The following CPNE5 variants were observed in gnomAD, a reference collection of about 807,000 sequenced individuals.
The protein encoded by CPNE5 is copine 5.
A neutral mutation model predicts 81.1 loss-of-function variants in CPNE5; 42 were observed. The ratio of observed to expected loss-of-function variants is 0.52; its 90% CI spans 0.40 to 0.67. CPNE5 has a LOEUF of 0.67. Ranked by LOEUF, CPNE5 falls within the 30% of genes least tolerant of loss-of-function variation. CPNE5 has a pLI of 0.00. For synonymous variants in CPNE5, 313 were observed against 321.5 expected (o/e 0.97, Z 0.28); for missense variants, 612 against 815.5 (o/e 0.75, Z 3.04).
At chr6:36,786,012 CAAA>C (rs36060316) in intron 8 of CPNE5, among the ~76,000 whole-genome samples, 6 of 83,836 alleles carry the variant, frequency 7.2e-5, no homozygotes, top group Non-Finnish European at 4.7e-5. Context: ...GACTCCGTCT[CAAA>C]AAAAAAAAAA....
chr6:36,813,278 C>A (rs1375264322), intron 3 of CPNE5, among the ~76,000 whole-genome samples: 1 of 152,214 alleles, frequency 6.6e-6, no homozygotes, highest in African/African-American at 2.4e-5. Context: ...CGCCTGTAAT[C>A]CCAGCATTTT....
chr6:36,756,198 G>A lies in CPNE5; in HGVS notation c.909+47C>T, dbSNP rs759500920. On this transcript the variant is annotated intron_variant, in intron 13 of 20. Coordinates refer to ENST00000244751, the MANE Select transcript of CPNE5 (RefSeq NM_020939.2). ...TCCCTGATACCAGACCTAGCTTGGGGCTCAGAATGTCTACACCCGGCTGCA... is the reference window on the plus strand; with the variant it reads ...TCCCTGATACCAGACCTAGCTTGGGACTCAGAATGTCTACACCCGGCTGCA... The A allele has an allele frequency of 7.7e-6, 12 of 1,561,604 alleles. No individual in the cohort carries two copies. In the African/African-American group the frequency reaches 1.2e-4, roughly 16 times the overall value.
intron 1 of CPNE5, among the ~76,000 whole-genome samples, chr6:36,837,042 A>G (rs1008791865): frequency 6.6e-6 from 1 of 152,218 alleles, no homozygotes; most frequent in Non-Finnish European, 1.5e-5. Flanking sequence ...AAGGCCTCTT[A>G]TGCAAGAGGT....
chr6:36,818,716 C>G (rs1358519769), intron 3 of CPNE5, among the ~76,000 whole-genome samples: 1 of 152,230 alleles, frequency 6.6e-6, no homozygotes, highest in Non-Finnish European at 1.5e-5. Context: ...CAGGAGCAAG[C>G]ACAGGTGTAT....
At chr6:36,811,556 C>CCA (rs1771106102) in intron 3 of CPNE5, among the ~76,000 whole-genome samples, 1 of 152,154 alleles carries the variant, frequency 6.6e-6, no homozygotes, top group Admixed American at 6.5e-5. Context: ...AACAGCTCAG[C>CCA]CACAACTGTA....
At chr6:36,761,166 T>C (rs1765986696) in intron 12 of CPNE5, among the ~76,000 whole-genome samples, 1 of 151,820 alleles carries the variant, frequency 6.6e-6, no homozygotes, top group South Asian at 2.1e-4. Context: ...CTAAATCTCC[T>C]CAAAGGAGGC....
At chr6:36,779,056 T>C (rs1397598239) in intron 8 of CPNE5, 99 bp from the exon 9 acceptor site, 10 of 796,018 alleles carry the variant, frequency 1.3e-5, no homozygotes, top group Admixed American at 1.8e-5. Context: ...CCAGCCCTGG[T>C]TGGAATGCAC....
chr6:36,774,371 T>G, intron 10 of CPNE5, among the ~76,000 whole-genome samples: 1 of 152,124 alleles, frequency 6.6e-6, no homozygotes. Flanking sequence ...CCTGGGTGAC[T>G]GAGCGAGACC....
intron 7 of CPNE5, 139 bp from the exon 8 acceptor site, chr6:36,792,235 A>G (rs934516986): frequency 1.6e-6 from 2 of 1,246,840 alleles, no homozygotes; most frequent in Non-Finnish European, 2.3e-6. Flanking sequence ...CTGAGAAGAC[A>G]GAGTCTCCTG....
chr6:36,813,875 G>T (rs1771314468), intron 3 of CPNE5, among the ~76,000 whole-genome samples: 1 of 152,216 alleles, frequency 6.6e-6, no homozygotes, highest in Non-Finnish European at 1.5e-5. Context: ...CTCCCACTGT[G>T]ATGGAGTGCC....
intron 3 of CPNE5, among the ~76,000 whole-genome samples, chr6:36,818,639 G>A (rs1240266480): frequency 6.6e-6 from 1 of 152,208 alleles, no homozygotes; most frequent in African/African-American, 2.4e-5. Context: ...GACGCCAGAT[G>A]TGGAAACTGA....
chr6:36,791,958 G>T (rs757203669), intron 8 of CPNE5, 75 bp downstream of exon 8: 93 of 1,317,280 alleles, frequency 7.1e-5, no homozygotes, highest in Admixed American at 1.0e-4. Context: ...TCCCTCCAGG[G>T]GCTCAGGGAG....
intron 7 of CPNE5, 112 bp downstream of exon 7, chr6:36,794,478 G>A: frequency 9.8e-7 from 1 of 1,020,842 alleles, no homozygotes; most frequent in Admixed American, 2.0e-5. Flanking sequence ...CCCCGGATCA[G>A]GGCCAAATTC....
intron 12 of CPNE5, 54 bp downstream of exon 12, chr6:36,762,863 C>T (rs1766185479): frequency 3.5e-6 from 5 of 1,428,396 alleles, no homozygotes; most frequent in South Asian, 3.4e-5. Flanking sequence ...CTACAGTCCT[C>T]AGTGACTGGG....
rs185921654 is a variant in CPNE5, at chr6:36,766,917, G to A, written c.738-1541C>T. On this transcript the variant is annotated intron_variant, in intron 10 of 20. Transcript: ENST00000244751. This position sits in a 1 kb window ranked among gnomAD's most constrained non-coding sequence, Gnocchi z 4.2. The stretch of plus-strand genomic sequence containing the variant: ...GTTGCCCAGGCTGGAGTGCAATGGC[G>A]TGATCTCGGCTCATTGCAACCTCCG... Among the ~76,000 whole-genome samples, 15 of 152,252 alleles carry A rather than the reference G, an allele frequency of 9.9e-5. No homozygotes were observed. Among genetic ancestry groups the A allele is most frequent in the Admixed American group, 3.9e-4 (6 of 15,310 alleles).
intron 9 of CPNE5, among the ~76,000 whole-genome samples, chr6:36,777,253 C>T (rs1767590867): frequency 6.6e-6 from 1 of 152,144 alleles, no homozygotes; most frequent in African/African-American, 2.4e-5. Flanking sequence ...CCTCCCCTCC[C>T]CAGTTCCTTC....
chr6:36,758,482 C>A (rs2150401133), intron 12 of CPNE5, among the ~76,000 whole-genome samples: 1 of 151,520 alleles, frequency 6.6e-6, no homozygotes, highest in East Asian at 1.9e-4. Flanking sequence ...CTCTTGGGCT[C>A]AAGCAATCCT....
At chr6:36,837,642 C>T (rs773896472) in intron 1 of CPNE5, among the ~76,000 whole-genome samples, 2 of 152,150 alleles carry the variant, frequency 1.3e-5, no homozygotes, top group Non-Finnish European at 2.9e-5. Flanking sequence ...AGCTGTGTGT[C>T]TCATGGGTGA....
At chr6:36,794,721 G>T in intron 6 of CPNE5, 72 bp from the exon 7 acceptor site, 1 of 1,382,278 alleles carries the variant, frequency 7.2e-7, no homozygotes, top group Non-Finnish European at 1.0e-6. Context: ...CAGCGCACTT[G>T]GCATCCAGAT....
Sources: allele counts gnomAD v4.1 joint callset (sites outside exome capture counted in the v4.1 genomes callset), GRCh38; gene constraint gnomAD v4.1.1; non-coding constraint Gnocchi (gnomAD v3.1); transcripts MANE v1.5; gene names NCBI Gene and HGNC (gene_info 2026-07-23, HGNC 2026-07-21).